IGF2R: variants seen among roughly 807,000 people sequenced by gnomAD.
IGF2R encodes the protein cation-independent mannose-6-phosphate receptor.
In IGF2R, 91 loss-of-function variants were observed where a neutral mutation model predicts 270.6. That is an observed-to-expected ratio of 0.34 (90% CI 0.28 to 0.40). IGF2R has a LOEUF of 0.40. Among genes scored for constraint, IGF2R ranks in the 10% least tolerant of loss-of-function variants. The pLI is 1.00. For missense variants in IGF2R, 2,805 were observed against 3,188.3 expected, an observed-to-expected ratio of 0.88 and a Z score of 2.90; for synonymous variants, 1,316 against 1,258.9, an observed-to-expected ratio of 1.05 and a Z score of -0.96.
chr6:160,011,551 GTTT>G (rs546686832), intron 4 of IGF2R, among the ~76,000 whole-genome samples: 7 of 119,668 alleles, frequency 5.8e-5, no homozygotes, highest in South Asian at 2.7e-4. Flanking sequence ...CACATATTTC[GTTT>G]TTTTTTTTTT....
chr6:160,030,137 G>C (rs2115230064), intron 7 of IGF2R, among the ~76,000 whole-genome samples: 1 of 152,256 alleles, frequency 6.6e-6, no homozygotes, highest in South Asian at 2.1e-4. Context: ...TTATTGCTGT[G>C]CCCTCTGCTG....
At chr6:159,983,926 C>CA (rs1288384600) in intron 1 of IGF2R, among the ~76,000 whole-genome samples, 2 of 152,116 alleles carry the variant, frequency 1.3e-5, no homozygotes, top group East Asian at 3.9e-4. Context: ...TTGTGGAAGG[C>CA]AATGCTCTGG....
In IGF2R at chr6:160,050,551, C is replaced by G; in HGVS notation, c.2593C>G (p.Leu865Val). The G allele has an allele frequency of 6.2e-7, 1 of 1,614,130 alleles. No homozygotes were observed. Among genetic ancestry groups the G allele is most frequent in the Non-Finnish European group, 8.5e-7 (1 of 1,179,994 alleles). Reference sequence around the variant, plus strand: ...CCCGGTGGTTGAGGACAGCGGCAGCCTCCTTCTGGAATACGTGAATGGGTC... The same window carrying G: ...CCCGGTGGTTGAGGACAGCGGCAGCGTCCTTCTGGAATACGTGAATGGGTC... ...TGPVVEDSGS[L>V]LLEYVNGSAC... Residue 865 changes from leucine to valine, a missense_variant, in exon 19 of 48, where the codon CTC becomes GTC. Leu to Val is a conservative substitution (Grantham distance 32). Transcript: ENST00000356956. This position sits in a 1 kb window ranked among gnomAD's most constrained non-coding sequence, Gnocchi z 4.0.
At chr6:159,975,917 C>T (rs1783687310) in intron 1 of IGF2R, among the ~76,000 whole-genome samples, 1 of 151,406 alleles carries the variant, frequency 6.6e-6, no homozygotes, top group Non-Finnish European at 1.5e-5. Context: ...AATATGCTTA[C>T]AGCTCTGTTT....
At chr6:159,987,681 C>T (rs1041847408) in intron 1 of IGF2R, among the ~76,000 whole-genome samples, 1 of 152,226 alleles carries the variant, frequency 6.6e-6, no homozygotes, top group Admixed American at 6.5e-5. Context: ...TGAGGCACCA[C>T]GCCCTGCCAT....
rs1383919757 is a variant in IGF2R at position 160,042,932 on chromosome 6, G to T, written c.1481-216G>T. 2.6e-5 allele frequency among the ~76,000 whole-genome samples: 4 copies of T among 152,078 alleles called. No homozygotes were observed. The East Asian group carries it at 7.7e-4, about 29-fold the overall frequency. On this transcript the variant is annotated intron_variant, in intron 11 of 47. Coordinates refer to ENST00000356956, the MANE Select transcript of IGF2R (RefSeq NM_000876.4). ...TACTCTTCTGAAGAAGTATTGGGAT[G>T]TAGTTTGTTTCTGTCACATTAAATG...
intron 44 of IGF2R, chr6:160,090,344 A>C: frequency 3.4e-6 from 1 of 294,862 alleles, no homozygotes; most frequent in Non-Finnish European, 6.3e-6. Context: ...AAAAACTAAA[A>C]CCTGGTCTGA....
Position 159,998,476 on chromosome 6 carries a change from C to T in IGF2R, c.289+7153C>T, listed in dbSNP as rs768280337. Among the ~76,000 whole-genome samples, 1 of 151,918 alleles carries T rather than the reference C, an allele frequency of 6.6e-6. No homozygotes were observed. The highest frequency in any genetic ancestry group is 2.4e-5 in the African/African-American group (1 of 41,338). ...CATTACAGATCTTTTGTGATGGTAACGGGGAGGTGATGTGATGGAAGGTGT... is the reference window on the plus strand; with the variant it reads ...CATTACAGATCTTTTGTGATGGTAATGGGGAGGTGATGTGATGGAAGGTGT... On this transcript the variant is annotated intron_variant, in intron 2 of 47. Transcript: ENST00000356956. This position sits in a 1 kb window ranked among gnomAD's most constrained non-coding sequence, Gnocchi z 4.1.
chr6:160,082,602 G>A (rs532541375), intron 39 of IGF2R, among the ~76,000 whole-genome samples: 3 of 151,216 alleles, frequency 2.0e-5, no homozygotes, highest in African/African-American at 2.4e-5. Flanking sequence ...GAGCCACCGC[G>A]CCCAGCTATC....
intron 1 of IGF2R, among the ~76,000 whole-genome samples, chr6:159,979,061 A>G (rs9457797): frequency 2.2e-4 from 34 of 152,174 alleles, no homozygotes; most frequent in African/African-American, 7.7e-4. Context: ...CCTGTGGGCT[A>G]TGGCCTAGAG....
intron 2 of IGF2R, among the ~76,000 whole-genome samples, chr6:160,002,202 A>G (rs1452861492): frequency 1.3e-5 from 2 of 152,050 alleles, no homozygotes; most frequent in African/African-American, 4.8e-5. Context: ...ACCAGCTTGG[A>G]CAACATAGTG....
Position 160,078,360 on chromosome 6 carries a change from A to G in IGF2R, c.5476A>G (p.Lys1826Glu). The part of the protein sequence containing the change: ...NLSSLSTSTF[K>E]VTRDSRTYSV... The stretch of plus-strand genomic sequence containing the variant: ...GTCCAGCCTTTCCACGAGCACCTTT[A>G]AGGTAATGCGTTCACCCTGGGCGTT... The change falls in exon 37 of 48, where the codon AAG (lysine) becomes GAG (glutamate). Residue 1826 changes from lysine (K) to glutamate (E), a missense_variant and splice_region_variant. This residue lies in a region of IGF2R where 1,851 missense variants were observed against 2,207.2 expected (regional missense o/e 0.84). Coordinates refer to ENST00000356956, the MANE Select transcript of IGF2R (RefSeq NM_000876.4). The G allele has an allele frequency of 6.2e-7, 1 of 1,613,924 alleles. No individual in the cohort carries two copies. Among genetic ancestry groups the G allele is most frequent in the Non-Finnish European group, 8.5e-7 (1 of 1,179,842 alleles).
chr6:159,980,236 A>AAAGGAAGGAAGAAAGG lies in IGF2R; in HGVS notation c.149+10845_149+10846insAAGGAAGAAAGGAAGG, dbSNP rs1491249507. Among the ~76,000 whole-genome samples the AAAGGAAGGAAGAAAGG allele has an allele frequency of 2.9e-5, 4 of 136,080 alleles. 1 individual carries two copies. The highest frequency in any genetic ancestry group is 6.2e-5 in the Non-Finnish European group (4 of 64,178). 89.3% of individuals were successfully genotyped at this position (136,080 alleles called of 152,430 possible). A position where few individuals can be genotyped will look rare whatever the true frequency, so the allele number is the denominator to read the frequency against. On this transcript the variant is annotated intron_variant, in intron 1 of 47. Coordinates refer to ENST00000356956, the MANE Select transcript of IGF2R (RefSeq NM_000876.4). ...GAAAGAAAGAAAGAAAGAAAGAAAG[A>AAAGGAAGGAAGAAAGG]AAGGTACATGGAAGATTCGATTGCT...
chr6:160,078,495 G>C, intron 37 of IGF2R, 133 bp downstream of exon 37: 1 of 828,264 alleles, frequency 1.2e-6, no homozygotes, highest in Non-Finnish European at 1.9e-6. Flanking sequence ...GCAGCATCTT[G>C]GTGCTCTCGT....
intron 29 of IGF2R, among the ~76,000 whole-genome samples, chr6:160,065,340 G>A (rs1273066796): frequency 6.6e-6 from 1 of 152,106 alleles, no homozygotes; most frequent in Admixed American, 6.5e-5. Context: ...TTTTTTGGAG[G>A]GATGCCCTGT....
intron 1 of IGF2R, among the ~76,000 whole-genome samples, chr6:159,979,465 C>G (rs2115170976): frequency 6.6e-6 from 1 of 152,338 alleles, no homozygotes; most frequent in Admixed American, 6.5e-5. Context: ...GCACTTCTCT[C>G]TTCTCTTTTG....
chr6:160,055,033 A>G (rs1778280995), intron 19 of IGF2R, among the ~76,000 whole-genome samples: 1 of 150,764 alleles, frequency 6.6e-6, no homozygotes, highest in Non-Finnish European at 1.5e-5. Flanking sequence ...CTCGGTGATC[A>G]GGGAATGAAT....
rs529803102 is a variant in IGF2R at position 160,084,017 on chromosome 6, A to C, written c.5901A>C (p.Gln1967His). ...CDEDEDIGRP[Q>H]VFSEVRGCDV... ...AAGATGAGGACATTGGGAGGCCACA[A>C]GTCTTCAGTGAAGTGCGTGGGTGTG... The change falls in exon 40 of 48, where the codon CAA (glutamine) becomes CAC (histidine). Residue 1967 changes from glutamine to histidine, a missense_variant. Physicochemically the swap from Gln to His is conservative, Grantham distance 24. This residue lies in a region of IGF2R where 1,851 missense variants were observed against 2,207.2 expected (regional missense o/e 0.84). Coordinates refer to ENST00000356956, the MANE Select transcript of IGF2R (RefSeq NM_000876.4). This position sits in a 1 kb window ranked among gnomAD's most constrained non-coding sequence, Gnocchi z 4.6. The C allele has an allele frequency of 6.2e-7, 1 of 1,614,186 alleles. No homozygotes were observed. The highest frequency in any genetic ancestry group is 1.3e-5 in the African/African-American group (1 of 75,052).
intron 2 of IGF2R, among the ~76,000 whole-genome samples, chr6:159,994,142 T>C (rs1420474501): frequency 6.6e-6 from 1 of 152,012 alleles, no homozygotes; most frequent in Non-Finnish European, 1.5e-5. Flanking sequence ...TCCTTTTTAC[T>C]GGTCTTTTCA....
Sources: gnomAD v4.1 joint callset for allele counts (sites outside exome capture counted in the v4.1 genomes callset) on GRCh38, gnomAD v4.1.1 for gene constraint, gnomAD v4.1.1 regional missense constraint, Gnocchi (gnomAD v3.1) non-coding constraint, MANE v1.5 for transcripts, NCBI Gene and HGNC (gene_info 2026-07-23, HGNC 2026-07-21) for gene names.